FAIM2: variants seen among roughly 807,000 people sequenced by gnomAD.
FAIM2 encodes the protein Fas apoptotic inhibitory molecule 2, also known as protein lifeguard 2.
In FAIM2, 27 loss-of-function variants were observed where a neutral mutation model predicts 47.4. The observed-to-expected ratio is 0.57, with a 90% confidence interval of 0.42 to 0.78. FAIM2 has a LOEUF of 0.78. Among genes scored for constraint, FAIM2 ranks in the 30% least tolerant of loss-of-function variants. The pLI, the probability that FAIM2 is intolerant of heterozygous loss-of-function variation, is 0.00. For synonymous variants in FAIM2, 156 were observed against 159.3 expected (o/e 0.98, Z 0.16); for missense variants, 311 against 389.4 (o/e 0.80, Z 1.69).
intron 4 of FAIM2, 134 bp downstream of exon 4, chr12:49,897,385 C>A: frequency 1.2e-6 from 1 of 846,840 alleles, no homozygotes; most frequent in Admixed American, 2.2e-5. Flanking sequence ...GGTTCTTTCC[C>A]AGCAGGAGGA....
At chr12:49,876,881 GAGAC>G (rs1424124465) in intron 11 of FAIM2, among the ~76,000 whole-genome samples, 1 of 152,222 alleles carries the variant, frequency 6.6e-6, no homozygotes, top group Admixed American at 6.5e-5. Flanking sequence ...AACAGCCTGT[GAGAC>G]AGGCAGGTTA....
At position 49,890,005 on chromosome 12, in the gene FAIM2, C is replaced by CG. The variant is rs1946888421; in HGVS notation, c.563+111dup. 5 of 1,072,550 alleles carry CG rather than the reference C, an allele frequency of 4.7e-6. No homozygotes were observed. The South Asian group carries it at 5.4e-5, about 12-fold the overall frequency. The allele number at this position is 1,072,550 out of a possible 1,614,324, so 66.4% of individuals were successfully genotyped here. A position where few individuals can be genotyped will look rare whatever the true frequency, so the allele number is the denominator to read the frequency against. Reference sequence around the variant, plus strand: ...AAAGCCTCCTGCATGCCTGAGCCCCCGGGCCCATCCACATGCTCCCATGTG... The same window carrying CG: ...AAAGCCTCCTGCATGCCTGAGCCCCCGGGGCCCATCCACATGCTCCCATGTG... On this transcript the variant is annotated intron_variant, in intron 8 of 11. Coordinates refer to ENST00000320634, the MANE Select transcript of FAIM2 (RefSeq NM_012306.4).
intron 4 of FAIM2, 62 bp from the exon 5 acceptor site, chr12:49,897,146 C>A: frequency 7.7e-7 from 1 of 1,303,592 alleles, no homozygotes; most frequent in South Asian, 1.2e-5. Flanking sequence ...ATTTCTGGTT[C>A]AGCATCTGCA....
intron 2 of FAIM2, among the ~76,000 whole-genome samples, chr12:49,898,729 T>C (rs547370503): frequency 1.3e-5 from 2 of 152,288 alleles, no homozygotes; most frequent in Non-Finnish European, 2.9e-5. Context: ...GGTTTCACCA[T>C]GTTGCCCAGG....
Position 49,889,529 on chromosome 12 carries a change from G to A in FAIM2, c.603C>T (p.Ile201=). Residue 201 remains isoleucine, a synonymous_variant, in exon 9 of 12, where the codon ATC becomes ATT. Coordinates refer to ENST00000320634, the MANE Select transcript of FAIM2 (RefSeq NM_012306.4). ...TGACTGAGAGGCAGACAAGGGCCGT[G>A]ATGCCCAGGCACAGCAGCACGGAGG... ...NTTSVLLCLG[I]TALVCLSVTV... 1 of 1,614,126 alleles carries A rather than the reference G, an allele frequency of 6.2e-7. No homozygotes were observed. Among genetic ancestry groups the A allele is most frequent in the Non-Finnish European group, 8.5e-7 (1 of 1,180,006 alleles).
chr12:49,882,048 TC>T (rs1204189846), intron 11 of FAIM2, among the ~76,000 whole-genome samples: 2 of 151,840 alleles, frequency 1.3e-5, no homozygotes, highest in Non-Finnish European at 2.9e-5. Flanking sequence ...GAGGGGAGGG[TC>T]CCCCTGGGGG....
chr12:49,895,366 C>T (rs1340098779), intron 5 of FAIM2, among the ~76,000 whole-genome samples: 1 of 152,118 alleles, frequency 6.6e-6, no homozygotes, highest in East Asian at 1.9e-4. Context: ...CTCCACCTCC[C>T]GGGCCTACTC....
chr12:49,895,844 T>C (rs571703578), intron 5 of FAIM2, among the ~76,000 whole-genome samples: 5 of 152,306 alleles, frequency 3.3e-5, no homozygotes, highest in African/African-American at 1.2e-4. Flanking sequence ...AGCCGCAGTG[T>C]GTAAGCTCCT....
intron 1 of FAIM2, chr12:49,902,278 G>C (rs1946986695): frequency 6.6e-6 from 1 of 152,314 alleles, no homozygotes; most frequent in South Asian, 2.1e-4. Context: ...GGGGTGGAGG[G>C]GGTGGTGTGA....
At chr12:49,879,964 ATG>A (rs1555158361) in intron 11 of FAIM2, among the ~76,000 whole-genome samples, 13 of 44,684 alleles carry the variant, frequency 2.9e-4, no homozygotes, top group Admixed American at 1.0e-3. Flanking sequence ...TTGTATGTGC[ATG>A]TGTGTGTATA....
intron 1 of FAIM2, 53 bp from the exon 2 acceptor site, chr12:49,901,378 A>C (rs1391700091): frequency 1.5e-5 from 20 of 1,366,688 alleles, no homozygotes; most frequent in South Asian, 5.9e-5. Context: ...GGAGCCTTCC[A>C]ACTCCTCCTC....
intron 11 of FAIM2, among the ~76,000 whole-genome samples, chr12:49,872,063 C>A (rs1592782516): frequency 1.3e-5 from 2 of 152,182 alleles, no homozygotes; most frequent in Non-Finnish European, 2.9e-5. Flanking sequence ...CTCTGAAACT[C>A]ATTCATCATA....
chr12:49,884,935 C>G (rs977081855), intron 11 of FAIM2, among the ~76,000 whole-genome samples: 1 of 152,176 alleles, frequency 6.6e-6, no homozygotes, highest in African/African-American at 2.4e-5. Flanking sequence ...GATCGCGCTA[C>G]TGCACTCCAG....
rs530008930 is a variant in FAIM2, at chr12:49,880,788, GTA to G, written c.801+6596_801+6597del. ...GGTATGTGTGTATATGAGTGTGTATGTATATGTGTTTGTGCATGTGGCTATGT... is the reference window on the plus strand; with the variant it reads ...GGTATGTGTGTATATGAGTGTGTATGTATGTGTTTGTGCATGTGGCTATGT... On this transcript the variant is annotated intron_variant, in intron 11 of 11. Coordinates refer to ENST00000320634, the MANE Select transcript of FAIM2 (RefSeq NM_012306.4). Among the ~76,000 whole-genome samples, 158 of 152,048 alleles carry G rather than the reference GTA, an allele frequency of 1.0e-3. 1 individual carries two copies. Among genetic ancestry groups the G allele is most frequent in the African/African-American group, 3.4e-3 (140 of 41,434 alleles).
chr12:49,874,481 T>G lies in FAIM2; in HGVS notation c.802-3828A>C, dbSNP rs1946722724. Among the ~76,000 whole-genome samples the G allele has an allele frequency of 6.6e-6, 1 of 152,114 alleles. No individual in the cohort carries two copies. The highest frequency in any genetic ancestry group is 1.5e-5 in the Non-Finnish European group (1 of 68,008). ...GAGGGCACAGGTGCCAAAGGCAAAC[T>G]TCCCCGCCTCACTTTACTGGCCAGT... On this transcript the variant is annotated intron_variant, in intron 11 of 11. Transcript: ENST00000320634. The surrounding 1 kb of genome is among the most constrained non-coding windows in gnomAD (Gnocchi z 4.2).
At chr12:49,884,851 G>A (rs1946850432) in intron 11 of FAIM2, among the ~76,000 whole-genome samples, 1 of 152,246 alleles carries the variant, frequency 6.6e-6, no homozygotes, top group Admixed American at 6.5e-5. Flanking sequence ...GCGGGCACCT[G>A]TAGTCCCAGC....
chr12:49,879,283 TATGTGTGTGG>T (rs1946779889), intron 11 of FAIM2, among the ~76,000 whole-genome samples: 1 of 25,288 alleles, frequency 4.0e-5, no homozygotes, highest in African/African-American at 2.7e-4. Flanking sequence ...TATATGTGTG[TATGTGTGTGG>T]GTATGTGTAT....
At chr12:49,879,483 T>C (rs1328873497) in intron 11 of FAIM2, among the ~76,000 whole-genome samples, 8 of 10,014 alleles carry the variant, frequency 8.0e-4, no homozygotes, top group Non-Finnish European at 1.2e-3. Flanking sequence ...TGTATGTGCA[T>C]GTGAGTGTAT....
In FAIM2 at chr12:49,896,944, C is replaced by G. The variant is rs878990496; in HGVS notation, c.434+87G>C. ...GTGGGGCTGGGGGAAGCTACGGGCT[C>G]AGATTAGGTCAAGAAAGACACAGAG... is the stretch of plus-strand genomic sequence containing the variant. On this transcript the variant is annotated intron_variant, in intron 5 of 11. Coordinates refer to ENST00000320634, the MANE Select transcript of FAIM2 (RefSeq NM_012306.4). 7.3e-6 allele frequency: 8 copies of G among 1,093,252 alleles called. No individual in the cohort carries two copies. In the South Asian group the frequency reaches 1.0e-4, roughly 14 times the overall value. The allele number at this position is 1,093,252 out of a possible 1,614,324, so 67.7% of individuals were successfully genotyped here.
Sources: gnomAD v4.1 joint callset for allele counts (sites outside exome capture counted in the v4.1 genomes callset) on GRCh38, gnomAD v4.1.1 for gene constraint, Gnocchi (gnomAD v3.1) non-coding constraint, MANE v1.5 for transcripts, NCBI Gene and HGNC (gene_info 2026-07-23, HGNC 2026-07-21) for gene names.